The following BBS9 variants were observed in gnomAD, a reference collection of about 807,000 sequenced individuals.
BBS9 encodes the protein protein PTHB1.
BBS9 carries 89 observed loss-of-function variants against 117.7 expected under a neutral mutation model. The ratio of observed to expected loss-of-function variants is 0.76; its 90% CI spans 0.64 to 0.90. The LOEUF is 0.90. Ranked by LOEUF, BBS9 falls within the 40% of genes least tolerant of loss-of-function variation. The pLI, the probability that BBS9 is intolerant of heterozygous loss-of-function variation, is 0.00. For missense variants in BBS9, 982 were observed against 1,042.2 expected, an observed-to-expected ratio of 0.94 and a Z score of 0.80; for synonymous variants, 379 against 370.9, an observed-to-expected ratio of 1.02 and a Z score of -0.25.
At chr7:33,199,796 G>A (rs1185038229) in intron 5 of BBS9, among the ~76,000 whole-genome samples, 2 of 151,698 alleles carry the variant, frequency 1.3e-5, no homozygotes, top group African/African-American at 4.8e-5. Flanking sequence ...CTTAGAAGGA[G>A]AGGGATGTTA....
At chr7:33,508,542 T>C (rs1327663688) in intron 20 of BBS9, among the ~76,000 whole-genome samples, 2 of 152,234 alleles carry the variant, frequency 1.3e-5, no homozygotes, top group African/African-American at 2.4e-5. Flanking sequence ...CTCATGGGGC[T>C]ACATGTGAAT....
At chr7:33,377,746 G>A (rs1206216880) in intron 17 of BBS9, among the ~76,000 whole-genome samples, 1 of 151,958 alleles carries the variant, frequency 6.6e-6, no homozygotes, top group African/African-American at 2.4e-5. Context: ...CACCTCCCTT[G>A]TTAATTATAT....
At chr7:33,217,048 T>C (rs1165889979) in intron 5 of BBS9, among the ~76,000 whole-genome samples, 4 of 152,064 alleles carry the variant, frequency 2.6e-5, no homozygotes, top group Admixed American at 2.6e-4. Context: ...TGAGCTGAGA[T>C]TGCACCATTG....
At chr7:33,373,040 C>T (rs1823150052) in intron 17 of BBS9, among the ~76,000 whole-genome samples, 1 of 150,728 alleles carries the variant, frequency 6.6e-6, no homozygotes, top group Admixed American at 6.6e-5. Flanking sequence ...TTTTTTTAGT[C>T]CAAAGGTTTG....
At chr7:33,505,702 A>G (rs1409453029) in intron 20 of BBS9, 57 bp downstream of exon 20, 15 of 1,572,558 alleles carry the variant, frequency 9.5e-6, no homozygotes, top group East Asian at 2.3e-5. Context: ...TTTCGGCTTT[A>G]GGAAGATATC....
At position 33,262,107 on chromosome 7, in the gene BBS9, A is replaced by G. The variant is rs141782373; in HGVS notation, c.618-2183A>G. Among the ~76,000 whole-genome samples the G allele has an allele frequency of 3.1e-3, 467 of 152,310 alleles. 1 individual carries two copies. The highest frequency in any genetic ancestry group is 0.01 in the African/African-American group (425 of 41,568). Reference sequence around the variant, plus strand: ...TAGATGCTCTTGTAAGTTTGTCATCATCTAATTTTACTGTCAAGTTTAAGT... The same window carrying G: ...TAGATGCTCTTGTAAGTTTGTCATCGTCTAATTTTACTGTCAAGTTTAAGT... On this transcript the variant is annotated intron_variant, in intron 6 of 22. Transcript: ENST00000242067.
At chr7:33,621,336 C>T (rs1363896005) in intron 21 of BBS9, among the ~76,000 whole-genome samples, 1 of 152,086 alleles carries the variant, frequency 6.6e-6, no homozygotes, top group Non-Finnish European at 1.5e-5. Context: ...ACACAAAAAA[C>T]TCAATAGCAA....
chr7:33,292,228 G>GTT (rs370951335), intron 9 of BBS9, among the ~76,000 whole-genome samples: 27 of 149,848 alleles, frequency 1.8e-4, no homozygotes, highest in African/African-American at 4.7e-4. Context: ...ACTTAAAAAT[G>GTT]TTTTTTTTTT....
rs144987931 is a variant in BBS9 at position 33,602,742 on chromosome 7, G to A, written c.2522-2123G>A. On this transcript the variant is annotated intron_variant, in intron 21 of 22. Coordinates refer to ENST00000242067, the MANE Select transcript of BBS9 (RefSeq NM_198428.3). ...GAAACTCTGTCTCAAAAAAAAAGAAGGAATGAAAGAAAGGTGGGTGGCATT... is the reference window on the plus strand; with the variant it reads ...GAAACTCTGTCTCAAAAAAAAAGAAAGAATGAAAGAAAGGTGGGTGGCATT... Among the ~76,000 whole-genome samples, 343 of 152,140 alleles carry A rather than the reference G, an allele frequency of 2.3e-3. 2 individuals carry two copies. The highest frequency in any genetic ancestry group is 7.8e-3 in the African/African-American group (323 of 41,526).
chr7:33,578,992 C>T (rs146786771), intron 21 of BBS9, among the ~76,000 whole-genome samples: 49 of 152,316 alleles, frequency 3.2e-4, no homozygotes, highest in East Asian at 9.7e-4. Flanking sequence ...GCGCATTCAG[C>T]GGCTTTAGGC....
chr7:33,529,067 C>G (rs1409644136), intron 20 of BBS9, among the ~76,000 whole-genome samples: 1 of 152,162 alleles, frequency 6.6e-6, no homozygotes, highest in African/African-American at 2.4e-5. Flanking sequence ...AAGCATAGCT[C>G]AGCTGAATTC....
chr7:33,254,004 C>CA (rs1291180580), intron 5 of BBS9, among the ~76,000 whole-genome samples: 1 of 151,474 alleles, frequency 6.6e-6, no homozygotes, highest in African/African-American at 2.4e-5. Context: ...TTCTTTTTTG[C>CA]AAAAAAAGAG....
At chr7:33,290,870 C>T (rs1005177940) in intron 9 of BBS9, among the ~76,000 whole-genome samples, 2 of 151,976 alleles carry the variant, frequency 1.3e-5, no homozygotes, top group African/African-American at 4.8e-5. Flanking sequence ...TGCTTTATTC[C>T]TTTTTGTCCA....
intron 19 of BBS9, among the ~76,000 whole-genome samples, chr7:33,495,223 C>T (rs1245360217): frequency 6.6e-6 from 1 of 152,170 alleles, no homozygotes; most frequent in Non-Finnish European, 1.5e-5. Context: ...GGGTCTCCAG[C>T]CTCCCTTTTT....
intron 21 of BBS9, among the ~76,000 whole-genome samples, chr7:33,554,832 C>T (rs1227022508): frequency 2.0e-5 from 3 of 152,130 alleles, no homozygotes; most frequent in Admixed American, 6.5e-5. Flanking sequence ...ATCTGGAGGC[C>T]TTCCAACATC....
intron 8 of BBS9, 135 bp downstream of exon 8, chr7:33,273,330 A>G: frequency 2.1e-6 from 2 of 972,184 alleles, no homozygotes; most frequent in Non-Finnish European, 3.1e-6. Flanking sequence ...TGGAAATTTT[A>G]ACTTTCAAAG....
rs146781397 is a variant in BBS9, at chr7:33,136,548, G to GT, written c.-12+6514dup. ...ACCTTCTATTCCTAGTGTTTTGAGT[G>GT]TTTTTTTATAATGGAAGAGTTGGAT... On this transcript the variant is annotated intron_variant, in intron 1 of 22. Coordinates refer to ENST00000242067, the MANE Select transcript of BBS9 (RefSeq NM_198428.3). 0.018 allele frequency among the ~76,000 whole-genome samples: 2,779 copies of GT among 152,158 alleles called. 228 individuals carry two copies. In the East Asian group the frequency reaches 0.28, roughly 15 times the overall value.
chr7:33,527,342 C>T (rs1043675189), intron 20 of BBS9, among the ~76,000 whole-genome samples: 1 of 152,118 alleles, frequency 6.6e-6, no homozygotes, highest in Non-Finnish European at 1.5e-5. Context: ...CGCCCCTCCC[C>T]CAGCCTCGCT....
intron 7 of BBS9, among the ~76,000 whole-genome samples, chr7:33,270,855 C>T (rs767165165): frequency 4.6e-5 from 7 of 152,234 alleles, no homozygotes; most frequent in Non-Finnish European, 7.4e-5. Context: ...TCGGGAAATG[C>T]AGAGAACCCC....
Sources: allele counts gnomAD v4.1 joint callset (sites outside exome capture counted in the v4.1 genomes callset), GRCh38; gene constraint gnomAD v4.1.1; transcripts MANE v1.5; gene names NCBI Gene and HGNC (gene_info 2026-07-23, HGNC 2026-07-21).